HNMT: variants seen among roughly 807,000 people sequenced by gnomAD.
The protein encoded by HNMT is histamine N-methyltransferase.
Under a neutral mutation model 32.1 loss-of-function variants are expected in HNMT, and 30 were observed. The observed-to-expected ratio is 0.93, with a 90% CI of 0.70 to 1.27. HNMT has a LOEUF of 1.27. Ranked by LOEUF, HNMT falls within the 50% of genes most tolerant of loss-of-function variation. The pLI, the probability that HNMT is intolerant of heterozygous loss-of-function variation, is 0.00. For synonymous variants in HNMT, 125 were observed against 119.0 expected, an observed-to-expected ratio of 1.05 and a Z score of -0.33; for missense variants, 327 against 346.0, an observed-to-expected ratio of 0.95 and a Z score of 0.43.
chr2:138,001,080 A>T (rs1007926341), intron 3 of HNMT, 55 bp downstream of exon 3: 23 of 870,304 alleles, frequency 2.6e-5, no homozygotes, highest in Non-Finnish European at 4.2e-5. Context: ...GACTTAACTC[A>T]AATTGTTCCC....
intron 2 of HNMT, among the ~76,000 whole-genome samples, chr2:137,976,354 G>A (rs537624321): frequency 6.6e-6 from 1 of 151,424 alleles, no homozygotes; most frequent in East Asian, 1.9e-4. Context: ...TTCTAGTGGT[G>A]TCAGCACAGG....
In HNMT at chr2:138,014,473, A is replaced by G. The variant is rs1681603613; in HGVS notation, c.*343A>G. On this transcript the variant is annotated 3_prime_UTR_variant, in exon 6 of 6. Transcript: ENST00000280097. ...CTAGAATACTAATAAAATACATACT[A>G]TAGATTCTTTATTAGTGAAGTATGC... 1 of 193,986 alleles carries G rather than the reference A, an allele frequency of 5.2e-6. No individual in the cohort carries two copies. Among genetic ancestry groups the G allele is most frequent in the Admixed American group, 5.3e-5 (1 of 18,974 alleles). 12.0% of individuals were successfully genotyped at this position (193,986 alleles called of 1,614,324 possible).
chr2:137,969,256 CCA>C (rs2104923293), intron 1 of HNMT, among the ~76,000 whole-genome samples: 1 of 152,240 alleles, frequency 6.6e-6, no homozygotes, highest in South Asian at 2.1e-4. Context: ...TATTGCATCA[CCA>C]TCCACTACTA....
intron 5 of HNMT, among the ~76,000 whole-genome samples, chr2:138,010,803 G>A (rs1379419026): frequency 2.0e-5 from 3 of 152,042 alleles, no homozygotes; most frequent in Non-Finnish European, 4.4e-5. Context: ...TTTAAAAAAT[G>A]TGGAGTATCC....
intron 1 of HNMT, 76 bp downstream of exon 1, chr2:137,964,704 A>C: frequency 6.8e-7 from 1 of 1,477,468 alleles, no homozygotes; most frequent in Non-Finnish European, 9.4e-7. Flanking sequence ...GGTCTCGCTC[A>C]GCCTCGCAGG....
In HNMT at chr2:137,971,611, G is replaced by T. The variant is rs116163295; in HGVS notation, c.190+1394G>T. On this transcript the variant is annotated intron_variant, in intron 2 of 5. Coordinates refer to ENST00000280097, the MANE Select transcript of HNMT (RefSeq NM_006895.3). ...GCCTCCAGTGAAATTTATGATCTTG[G>T]CTAAAACATCAGTAAAATGGGAACA... Among the ~76,000 whole-genome samples, 1,513 of 152,266 alleles carry T rather than the reference G, an allele frequency of 9.9e-3. 32 individuals carry two copies. Among genetic ancestry groups the T allele is most frequent in the African/African-American group, 0.035 (1,442 of 41,542 alleles).
chr2:137,989,466 T>C (rs940171583), intron 2 of HNMT, among the ~76,000 whole-genome samples: 1 of 152,242 alleles, frequency 6.6e-6, no homozygotes, highest in Non-Finnish European at 1.5e-5. Context: ...AGATTCTTTG[T>C]TTGTTTGTTC....
At chr2:138,001,534 A>C (rs1436734833) in intron 3 of HNMT, among the ~76,000 whole-genome samples, 1 of 152,178 alleles carries the variant, frequency 6.6e-6, no homozygotes, top group Non-Finnish European at 1.5e-5. Flanking sequence ...TAAACACTAA[A>C]ATTTGAATTT....
intron 2 of HNMT, among the ~76,000 whole-genome samples, chr2:137,994,247 C>T (rs1429214652): frequency 6.6e-6 from 1 of 152,116 alleles, no homozygotes; most frequent in Non-Finnish European, 1.5e-5. Context: ...AGAGTCAAGA[C>T]CCATCACCCA....
intron 2 of HNMT, among the ~76,000 whole-genome samples, chr2:137,979,851 T>C (rs1680432597): frequency 6.6e-6 from 1 of 152,122 alleles, no homozygotes; most frequent in Non-Finnish European, 1.5e-5. Context: ...TCTGCATTAT[T>C]AATTTTTAGC....
intron 1 of HNMT, among the ~76,000 whole-genome samples, chr2:137,967,889 C>G (rs187352766): frequency 1.1e-3 from 165 of 152,058 alleles, no homozygotes; most frequent in Admixed American, 2.3e-3. Flanking sequence ...TGCCTCTTTC[C>G]ATCTCTGTTT....
intron 2 of HNMT, among the ~76,000 whole-genome samples, chr2:137,992,513 A>T (rs1156720039): frequency 6.6e-6 from 1 of 151,906 alleles, no homozygotes; most frequent in Non-Finnish European, 1.5e-5. Context: ...GGCTTCCCCC[A>T]CCAACTCCAG....
In HNMT at chr2:137,964,505, T is replaced by C. The variant is rs200213699; in HGVS notation, c.14T>C (p.Met5Thr). The C allele has an allele frequency of 2.9e-5, 47 of 1,613,666 alleles. No individual in the cohort carries two copies. The East Asian group carries it at 3.1e-4, about 11-fold the overall frequency. The change falls in exon 1 of 6, where the codon ATG becomes ACG. Residue 5 changes from methionine (M) to threonine (T), a missense_variant. By Grantham distance (81) the Met-to-Thr change is moderately conservative. Transcript: ENST00000280097. MASS[M>T]RSLFSDHGKY... Reference sequence around the variant, plus strand: ...AGAAAACCAAATATGGCATCTTCCATGAGGAGCTTGTTTTCTGACCACGGG... The same window carrying C: ...AGAAAACCAAATATGGCATCTTCCACGAGGAGCTTGTTTTCTGACCACGGG...
chr2:138,010,577 T>C (rs1681473926), intron 5 of HNMT, among the ~76,000 whole-genome samples: 1 of 151,544 alleles, frequency 6.6e-6, no homozygotes, highest in Admixed American at 6.6e-5. Context: ...GAAATCAGAA[T>C]TAAATGACAA....
At chr2:137,985,520 C>T (rs1680627692) in intron 2 of HNMT, among the ~76,000 whole-genome samples, 1 of 152,198 alleles carries the variant, frequency 6.6e-6, no homozygotes. Context: ...TTCCTACATA[C>T]TTTTATTCTT....
chr2:137,997,137 C>T (rs947309817), intron 2 of HNMT, among the ~76,000 whole-genome samples: 10 of 152,080 alleles, frequency 6.6e-5, no homozygotes, highest in Non-Finnish European at 1.0e-4. Context: ...ACAAAAATGC[C>T]AAAAGCAATT....
At chr2:137,988,945 G>A (rs1167002494) in intron 2 of HNMT, among the ~76,000 whole-genome samples, 1 of 152,108 alleles carries the variant, frequency 6.6e-6, no homozygotes, top group Non-Finnish European at 1.5e-5. Flanking sequence ...GAAGTTTAGG[G>A]TTTGCAGATA....
intron 4 of HNMT, 62 bp downstream of exon 4, chr2:138,002,256 G>A (rs986407348): frequency 2.6e-6 from 3 of 1,160,650 alleles, no homozygotes; most frequent in Non-Finnish European, 3.4e-6. Context: ...TATATATAAT[G>A]AATATCTACT....
chr2:138,015,313 GGTTTTACTAAACAGCTCAT>G lies in HNMT; in HGVS notation c.*1185_*1203del, dbSNP rs1413739517. 6.6e-6 allele frequency: 1 copy of G among 152,070 alleles called. No individual in the cohort carries two copies. Among genetic ancestry groups the G allele is most frequent in the African/African-American group, 2.4e-5 (1 of 41,426 alleles). 9.4% of individuals were successfully genotyped at this position (152,070 alleles called of 1,614,324 possible). A position where few individuals can be genotyped will look rare whatever the true frequency, so the allele number is the denominator to read the frequency against. On this transcript the variant is annotated 3_prime_UTR_variant, in exon 6 of 6. Coordinates refer to ENST00000280097, the MANE Select transcript of HNMT (RefSeq NM_006895.3). ...CCTGTCACAAACAAAACAAAAGTAA[GGTTTTACTAAACAGCTCAT>G]GAGCCCTCATTCTGCCAGTGAGGAA...
Sources: allele counts gnomAD v4.1 joint callset (sites outside exome capture counted in the v4.1 genomes callset), GRCh38; gene constraint gnomAD v4.1.1; transcripts MANE v1.5; gene names NCBI Gene and HGNC (gene_info 2026-07-23, HGNC 2026-07-21).